CNOT6L: variants seen among roughly 807,000 people sequenced by gnomAD.
The protein encoded by CNOT6L is CCR4-NOT transcription complex subunit 6-like.
Under a neutral mutation model 64.0 loss-of-function variants are expected in CNOT6L, and 7 were observed. The ratio of observed to expected loss-of-function variants is 0.11; its 90% CI spans 0.06 to 0.21. The LOEUF is 0.21. CNOT6L is among the 10% of genes least tolerant of loss of function. The probability of loss-of-function intolerance (pLI) is 1.00; values close to 1 mark genes in which losing one functional copy is unlikely to be tolerated. For synonymous variants in CNOT6L, 193 were observed against 243.4 expected (o/e 0.79, Z 1.93); for missense variants, 245 against 669.0 (o/e 0.37, Z 6.99).
At chr4:77,779,530 T>G (rs576505482) in intron 1 of CNOT6L, among the ~76,000 whole-genome samples, 3 of 152,084 alleles carry the variant, frequency 2.0e-5, no homozygotes, top group Non-Finnish European at 4.4e-5. Context: ...TCCATTAAAA[T>G]TATGAAATCT....
At chr4:77,795,455 T>C (rs1353044182) in intron 1 of CNOT6L, among the ~76,000 whole-genome samples, 1 of 152,194 alleles carries the variant, frequency 6.6e-6, no homozygotes, top group Non-Finnish European at 1.5e-5. Flanking sequence ...GTTCCTAGTG[T>C]TGGAGGAGGG....
chr4:77,770,785 C>T (rs567789096), intron 4 of CNOT6L, among the ~76,000 whole-genome samples: 1 of 152,252 alleles, frequency 6.6e-6, no homozygotes, highest in East Asian at 1.9e-4. Flanking sequence ...CAAAATGCCA[C>T]TAGAATCGAA....
At chr4:77,745,932 G>A (rs576703535) in intron 6 of CNOT6L, among the ~76,000 whole-genome samples, 6 of 152,266 alleles carry the variant, frequency 3.9e-5, no homozygotes, top group African/African-American at 1.4e-4. Flanking sequence ...TCAGTCCCCT[G>A]GGGGGTCTGA....
chr4:77,797,561 T>C (rs1731006011), intron 1 of CNOT6L, among the ~76,000 whole-genome samples: 1 of 152,180 alleles, frequency 6.6e-6, no homozygotes, highest in African/African-American at 2.4e-5. Context: ...TTTTACTTAA[T>C]AATGGCCCCA....
chr4:77,805,941 A>C (rs1424945637), intron 1 of CNOT6L, among the ~76,000 whole-genome samples: 1 of 152,200 alleles, frequency 6.6e-6, no homozygotes, highest in Non-Finnish European at 1.5e-5. Context: ...CACAGTAATC[A>C]ATTTAACCAA....
intron 1 of CNOT6L, among the ~76,000 whole-genome samples, chr4:77,794,399 T>C (rs1730560643): frequency 6.6e-6 from 1 of 151,756 alleles, no homozygotes; most frequent in Admixed American, 6.6e-5. Context: ...GCAAATTAAA[T>C]CCAGCAATAT....
At position 77,788,153 on chromosome 4, in the gene CNOT6L, G is replaced by T. The variant is rs185205763; in HGVS notation, c.6-11761C>A. 1.6e-4 allele frequency among the ~76,000 whole-genome samples: 25 copies of T among 152,234 alleles called. No individual in the cohort carries two copies. In the East Asian group the frequency reaches 4.8e-3, roughly 29 times the overall value. ...TCCAAGATTTAATGAATATATTCAAGATTTAATTTTTTTGCATACTAAGGT... is the reference window on the plus strand; with the variant it reads ...TCCAAGATTTAATGAATATATTCAATATTTAATTTTTTTGCATACTAAGGT... On this transcript the variant is annotated intron_variant, in intron 1 of 11. Coordinates refer to ENST00000504123, the MANE Select transcript of CNOT6L (RefSeq NM_144571.3).
chr4:77,772,879 C>T (rs1191398511), intron 4 of CNOT6L, among the ~76,000 whole-genome samples: 4 of 152,080 alleles, frequency 2.6e-5, no homozygotes, highest in Non-Finnish European at 5.9e-5. Flanking sequence ...GCCAAGATTG[C>T]GCCACTGCAC....
At chr4:77,790,290 GTTTA>G (rs1200272451) in intron 1 of CNOT6L, among the ~76,000 whole-genome samples, 39 of 152,256 alleles carry the variant, frequency 2.6e-4, no homozygotes, top group East Asian at 1.2e-3. Flanking sequence ...ATGTACCACA[GTTTA>G]TTTATCCACT....
At chr4:77,763,282 A>G (rs939771641) in intron 4 of CNOT6L, among the ~76,000 whole-genome samples, 3 of 152,104 alleles carry the variant, frequency 2.0e-5, no homozygotes, top group African/African-American at 7.2e-5. Flanking sequence ...CTATACCTAA[A>G]TGTAAGCACA....
rs901775901 is a variant in CNOT6L, at chr4:77,784,239, G to A, written c.6-7847C>T. Among the ~76,000 whole-genome samples the A allele has an allele frequency of 2.0e-5, 3 of 152,082 alleles. 1 individual carries two copies. The highest frequency in any genetic ancestry group is 4.4e-5 in the Non-Finnish European group (3 of 68,010). On this transcript the variant is annotated intron_variant, in intron 1 of 11. Coordinates refer to ENST00000504123, the MANE Select transcript of CNOT6L (RefSeq NM_144571.3). ...TCTGAGATACAAGACAACAGCAGCA[G>A]CAACAACATGAAACATACATAAATA...
chr4:77,809,528 T>C (rs1054181966), intron 1 of CNOT6L, among the ~76,000 whole-genome samples: 2 of 152,162 alleles, frequency 1.3e-5, no homozygotes, highest in African/African-American at 4.8e-5. Flanking sequence ...TATATGTAGA[T>C]ATTGCAGAAG....
At chr4:77,800,249 C>T (rs1232419102) in intron 1 of CNOT6L, among the ~76,000 whole-genome samples, 1 of 152,090 alleles carries the variant, frequency 6.6e-6, no homozygotes, top group Non-Finnish European at 1.5e-5. Flanking sequence ...CACCTATAAT[C>T]CCAGCACTTT....
In CNOT6L at chr4:77,774,676, T is replaced by C; in HGVS notation, c.168A>G (p.Thr56=). 6.2e-7 allele frequency: 1 copy of C among 1,612,324 alleles called. No homozygotes were observed. Among genetic ancestry groups the C allele is most frequent in the Non-Finnish European group, 8.5e-7 (1 of 1,179,182 alleles). ...RSLSTSLWSL[T]HLTALHLNDN... is the part of the protein sequence containing the mutation. ...CATTTAGGTGCAGCGCTGTCAAGTG[T>C]GTCAATGACCAAAGTGATGTACTTA... Residue 56 remains threonine, a synonymous_variant, in exon 3 of 12, where the codon ACA becomes ACG. Transcript: ENST00000504123.
At chr4:77,798,849 G>A (rs1414625764) in intron 1 of CNOT6L, among the ~76,000 whole-genome samples, 2 of 151,720 alleles carry the variant, frequency 1.3e-5, no homozygotes, top group African/African-American at 2.4e-5. Flanking sequence ...AGGCATGGTG[G>A]TGTGCACCTG....
chr4:77,765,217 C>T (rs1223630251), intron 4 of CNOT6L, among the ~76,000 whole-genome samples: 5 of 151,310 alleles, frequency 3.3e-5, no homozygotes, highest in African/African-American at 9.8e-5. Context: ...CCTATATGGT[C>T]GAAAAAGGGG....
intron 9 of CNOT6L, among the ~76,000 whole-genome samples, chr4:77,730,952 C>G (rs1722387540): frequency 6.6e-6 from 1 of 152,108 alleles, no homozygotes; most frequent in African/African-American, 2.4e-5. Context: ...AGATCCTGCT[C>G]TTACCCTGAC....
At chr4:77,818,959 A>C in intron 1 of CNOT6L, 1 of 650,940 alleles carries the variant, frequency 1.5e-6, no homozygotes, top group Middle Eastern at 4.0e-4. Flanking sequence ...CCGGCCCCCT[A>C]GGAGCAGCTC....
intron 1 of CNOT6L, among the ~76,000 whole-genome samples, chr4:77,801,183 G>A (rs1243965490): frequency 6.6e-6 from 1 of 152,158 alleles, no homozygotes; most frequent in African/African-American, 2.4e-5. Context: ...GCAAAAACCA[G>A]CCACTGAAAA....
Sources: allele counts gnomAD v4.1 joint callset (sites outside exome capture counted in the v4.1 genomes callset), GRCh38; gene constraint gnomAD v4.1.1; transcripts MANE v1.5; gene names NCBI Gene and HGNC (gene_info 2026-07-23, HGNC 2026-07-21).